The following SYT6 variants were observed in gnomAD, a reference collection of about 807,000 sequenced individuals.
The protein encoded by SYT6 is synaptotagmin-6.
SYT6 carries 24 observed loss-of-function variants against 38.4 expected under a neutral mutation model. The observed-to-expected ratio is 0.62, with a 90% CI of 0.45 to 0.88. The LOEUF is 0.88. Ranked by LOEUF, SYT6 falls within the 40% of genes least tolerant of loss-of-function variation. SYT6 has a pLI of 0.00. For missense variants in SYT6, 611 were observed against 621.0 expected, an observed-to-expected ratio of 0.98 and a Z score of 0.17; for synonymous variants, 265 against 241.9, an observed-to-expected ratio of 1.10 and a Z score of -0.89.
intron 4 of SYT6, among the ~76,000 whole-genome samples, chr1:114,103,063 C>A (rs572111349): frequency 2.6e-5 from 4 of 152,304 alleles, no homozygotes; most frequent in Admixed American, 6.5e-5. Flanking sequence ...AGGCTGAGGC[C>A]AGGAGGCCTG....
At chr1:114,134,650 C>A (rs1678372148) in intron 3 of SYT6, among the ~76,000 whole-genome samples, 1 of 152,116 alleles carries the variant, frequency 6.6e-6, no homozygotes, top group Non-Finnish European at 1.5e-5. Flanking sequence ...TTGCACCAGG[C>A]AGAGAGGTGG....
chr1:114,144,532 G>T (rs369336109), intron 1 of SYT6, among the ~76,000 whole-genome samples: 1 of 152,148 alleles, frequency 6.6e-6, no homozygotes, highest in African/African-American at 2.4e-5. Context: ...ACTATGACAC[G>T]TGTTTTTCCT....
intron 3 of SYT6, among the ~76,000 whole-genome samples, chr1:114,107,377 C>T (rs2101000530): frequency 6.6e-6 from 1 of 152,364 alleles, no homozygotes; most frequent in East Asian, 1.9e-4. Context: ...GCTGAGTCTG[C>T]AGTGTGGTGT....
At position 114,137,932 on chromosome 1, in the gene SYT6, A is replaced by G. The variant is rs1227088166; in HGVS notation, c.634T>C (p.Tyr212His). Reference protein sequence around the residue: ...TSIGRIKPELYKQKSVDGEDA... With the variant: ...TSIGRIKPELHKQKSVDGEDA... ...TCCCCATCCACCGACTTCTGCTTGT[A>G]GAGCTCAGGCTTGATGCGGCCAATG... Residue 212 changes from tyrosine to histidine, a missense_variant, in exon 3 of 8, where the codon TAC (tyrosine) becomes CAC (histidine). Tyr to His is a moderately conservative substitution (Grantham distance 83). Transcript: ENST00000610222. 3 of 1,614,018 alleles carry G rather than the reference A, an allele frequency of 1.9e-6. No individual in the cohort carries two copies. The highest frequency in any genetic ancestry group is 3.3e-5 in the Admixed American group (2 of 59,998).
At chr1:114,124,807 G>A (rs1358771816) in intron 3 of SYT6, among the ~76,000 whole-genome samples, 1 of 152,174 alleles carries the variant, frequency 6.6e-6, no homozygotes. Context: ...CATGGGGGAG[G>A]GCTCGGAGCA....
chr1:114,113,341 G>C (rs927982399), intron 3 of SYT6, among the ~76,000 whole-genome samples: 11 of 151,980 alleles, frequency 7.2e-5, no homozygotes, highest in Non-Finnish European at 1.3e-4. Context: ...AGTGAAGTTT[G>C]TCAAGCTTTT....
chr1:114,129,278 C>A (rs920927439), intron 3 of SYT6, among the ~76,000 whole-genome samples: 6 of 152,236 alleles, frequency 3.9e-5, no homozygotes, highest in African/African-American at 9.6e-5. Context: ...ATTTTCATCT[C>A]TTTTTTAAGA....
At chr1:114,113,730 C>G (rs1676826489) in intron 3 of SYT6, among the ~76,000 whole-genome samples, 1 of 152,188 alleles carries the variant, frequency 6.6e-6, no homozygotes, top group African/African-American at 2.4e-5. Context: ...GCCTACCCCC[C>G]TGCCAGCATA....
intron 3 of SYT6, among the ~76,000 whole-genome samples, chr1:114,135,112 C>G (rs1300390849): frequency 6.6e-6 from 1 of 152,028 alleles, no homozygotes. Flanking sequence ...ACATCCAGCT[C>G]AGACAGACGG....
chr1:114,117,312 G>A (rs1361083592), intron 3 of SYT6, among the ~76,000 whole-genome samples: 2 of 152,232 alleles, frequency 1.3e-5, no homozygotes, highest in African/African-American at 2.4e-5. Context: ...AAACCGAGAC[G>A]TGCATATAGC....
chr1:114,148,668 C>CATTTATTTATTT (rs67439650), intron 1 of SYT6, among the ~76,000 whole-genome samples: 2 of 150,666 alleles, frequency 1.3e-5, no homozygotes, highest in East Asian at 2.0e-4. Flanking sequence ...CTAATAATAT[C>CATTTATTTATTT]ATTTATTTAT....
intron 6 of SYT6, 39 bp from the exon 7 acceptor site, chr1:114,093,842 G>A (rs1410792578): frequency 1.9e-6 from 3 of 1,594,818 alleles, no homozygotes; most frequent in East Asian, 4.5e-5. Context: ...CCTGGTTGTT[G>A]AGGCCACTGT....
At chr1:114,144,653 G>A (rs981263909) in intron 1 of SYT6, among the ~76,000 whole-genome samples, 2 of 152,178 alleles carry the variant, frequency 1.3e-5, no homozygotes, top group African/African-American at 2.4e-5. Flanking sequence ...TTAAGGTCAA[G>A]CAACATTTAC....
In SYT6 at chr1:114,111,361, T is replaced by A. The variant is rs546240555; in HGVS notation, c.1072-7640A>T. Among the ~76,000 whole-genome samples the A allele has an allele frequency of 7.4e-4, 113 of 152,338 alleles. 3 individuals are homozygous for A. The South Asian group carries it at 0.022, about 30-fold the overall frequency. On this transcript the variant is annotated intron_variant, in intron 3 of 7. Coordinates refer to ENST00000610222, the MANE Select transcript of SYT6 (RefSeq NM_001253772.2). ...GGGACACTGAAGTACGGAGAGGTTA[T>A]GCAAGTGGCCCAAGGGCACACAGCT... is the stretch of plus-strand genomic sequence containing the variant.
intron 7 of SYT6, among the ~76,000 whole-genome samples, chr1:114,092,512 TTGTC>T (rs1444766572): frequency 6.6e-6 from 1 of 152,204 alleles, no homozygotes; most frequent in East Asian, 1.9e-4. Flanking sequence ...TATTAGCAAT[TTGTC>T]TGGGAGCTGA....
chr1:114,112,650 G>A (rs147791564), intron 3 of SYT6, among the ~76,000 whole-genome samples: 31 of 152,360 alleles, frequency 2.0e-4, no homozygotes, highest in Non-Finnish European at 3.2e-4. Context: ...AGTCTGTGCC[G>A]TAGGGTGCTT....
chr1:114,117,400 G>A (rs1046314667), intron 3 of SYT6, among the ~76,000 whole-genome samples: 10 of 152,232 alleles, frequency 6.6e-5, no homozygotes, highest in African/African-American at 2.4e-4. Flanking sequence ...CACTGGGTGT[G>A]CAGTCCCCAC....
intron 4 of SYT6, among the ~76,000 whole-genome samples, chr1:114,103,376 A>G (rs115897388): frequency 0.016 from 2,431 of 152,300 alleles, 62 homozygotes; most frequent in African/African-American, 0.055. Flanking sequence ...TTTCTCCTGA[A>G]AGCAACCCAT....
chr1:114,140,221 C>T (rs1219645266), intron 1 of SYT6, among the ~76,000 whole-genome samples: 1 of 152,030 alleles, frequency 6.6e-6, no homozygotes, highest in African/African-American at 2.4e-5. Context: ...GCCCCCACCC[C>T]TATCCCCCCA....
Sources: allele counts gnomAD v4.1 joint callset (sites outside exome capture counted in the v4.1 genomes callset), GRCh38; gene constraint gnomAD v4.1.1; transcripts MANE v1.5; gene names NCBI Gene and HGNC (gene_info 2026-07-23, HGNC 2026-07-21).